The following MGARP variants were observed in gnomAD, a reference collection of about 807,000 sequenced individuals.
The protein encoded by MGARP is protein MGARP.
MGARP carries 12 observed loss-of-function variants against 11.0 expected under a neutral mutation model. That is an observed-to-expected ratio of 1.09 (90% CI 0.70 to 1.77). The LOEUF (loss-of-function observed/expected upper bound fraction) is 1.77. MGARP is among the 40% of genes most tolerant of loss of function. The probability of loss-of-function intolerance (pLI) is 0.00; values close to 1 mark genes in which losing one functional copy is unlikely to be tolerated. For missense variants in MGARP, 283 were observed against 297.8 expected, an observed-to-expected ratio of 0.95 and a Z score of 0.36; for synonymous variants, 110 against 115.4, an observed-to-expected ratio of 0.95 and a Z score of 0.30.
chr4:139,276,135 A>G (rs1744869923), intron 1 of MGARP, among the ~76,000 whole-genome samples: 1 of 152,246 alleles, frequency 6.6e-6, no homozygotes, highest in African/African-American at 2.4e-5. Flanking sequence ...AGGAGCTTAA[A>G]GTATATACAA....
At chr4:139,279,954 A>G in intron 1 of MGARP, 123 bp downstream of exon 1, 1 of 995,136 alleles carries the variant, frequency 1.0e-6, no homozygotes, top group Admixed American at 2.1e-5. Flanking sequence ...CTCGACCTCC[A>G]ATCCAGGCTT....
intron 2 of MGARP, among the ~76,000 whole-genome samples, chr4:139,272,735 T>C (rs1485258355): frequency 7.1e-6 from 1 of 140,994 alleles, no homozygotes; most frequent in Non-Finnish European, 1.5e-5. Context: ...TCACCCAGGC[T>C]GAGTGCAGTG....
At position 139,275,392 on chromosome 4, in the gene MGARP, G is replaced by A; in HGVS notation, c.83C>T (p.Ala28Val). 1.9e-6 allele frequency: 3 copies of A among 1,610,144 alleles called. No homozygotes were observed. The highest frequency in any genetic ancestry group is 1.7e-4 in the Middle Eastern group (1 of 6,038). Reference sequence around the variant, plus strand: ...GTTAGATGACATCCGGCGCAGAGATGCTAGGAAAAAAATGTTTAAACACAG... The same window carrying A: ...GTTAGATGACATCCGGCGCAGAGATACTAGGAAAAAAATGTTTAAACACAG... ...PPNPAPLGKD[A>V]SLRRMSSNRF... The change falls in exon 2 of 4, where the codon GCA becomes GTA. Residue 28 changes from alanine (A) to valine (V), a missense_variant and splice_region_variant. By Grantham distance (64) the Ala-to-Val change is moderately conservative (BLOSUM62 0). Transcript: ENST00000398955.
At chr4:139,273,907 G>C (rs1744826812) in intron 2 of MGARP, among the ~76,000 whole-genome samples, 1 of 152,172 alleles carries the variant, frequency 6.6e-6, no homozygotes, top group African/African-American at 2.4e-5. Flanking sequence ...ACTAAAAAAT[G>C]TCTGTCATTT....
chr4:139,274,444 T>TA (rs753244701), intron 2 of MGARP, among the ~76,000 whole-genome samples: 23 of 152,128 alleles, frequency 1.5e-4, no homozygotes, highest in South Asian at 8.3e-4. Context: ...AAAACTGCTC[T>TA]AAAAAAAGAT....
At position 139,280,159 on chromosome 4, in the gene MGARP, C is replaced by T; in HGVS notation, c.-1G>A. 1 of 1,607,234 alleles carries T rather than the reference C, an allele frequency of 6.2e-7. No individual in the cohort carries two copies. Among genetic ancestry groups the T allele is most frequent in the Admixed American group, 1.7e-5 (1 of 59,700 alleles). On this transcript the variant is annotated 5_prime_UTR_variant, in exon 1 of 4. Coordinates refer to ENST00000398955, the MANE Select transcript of MGARP (RefSeq NM_032623.4). ...TGGAGACCGCCCTGCGGAGATACAT[C>T]GCGCCCGCTGTCCGCCGCGCAGCAG...
At chr4:139,270,298 CAAAAAAA>C (rs963066917) in intron 2 of MGARP, among the ~76,000 whole-genome samples, 1 of 66,446 alleles carries the variant, frequency 1.5e-5, no homozygotes, top group Admixed American at 1.8e-4. Flanking sequence ...AACTCCGTCT[CAAAAAAA>C]AAAAAAAAAG....
At chr4:139,279,980 G>C (rs1744932260) in intron 1 of MGARP, 97 bp downstream of exon 1, 1 of 1,262,988 alleles carries the variant, frequency 7.9e-7, no homozygotes, top group Non-Finnish European at 1.1e-6. Flanking sequence ...GCTCTGGGTC[G>C]GGTTTGGCCA....
chr4:139,279,990 A>C, intron 1 of MGARP, 87 bp downstream of exon 1: 1 of 1,446,032 alleles, frequency 6.9e-7, no homozygotes, highest in Non-Finnish European at 9.5e-7. Flanking sequence ...GGGTTTGGCC[A>C]ACTGGGTGCC....
Position 139,266,804 on chromosome 4 carries a change from G to A in MGARP, c.518C>T (p.Pro173Leu). Residue 173 changes from proline to leucine, a missense_variant, in exon 4 of 4, where the codon CCT (proline) becomes CTT (leucine). Physicochemically the swap from Pro to Leu is moderately conservative, Grantham distance 98. Coordinates refer to ENST00000398955, the MANE Select transcript of MGARP (RefSeq NM_032623.4). ...ATTTGTAACCTCTGGGGTTGTTTCA[G>A]GGTTTACTTCCGTGGTTTCCCTCGC... Reference protein sequence around the residue: ...AAARETTEVNPETTPEVTNAA... With the variant: ...AAARETTEVNLETTPEVTNAA... The A allele has an allele frequency of 6.2e-7, 1 of 1,614,158 alleles. No individual in the cohort carries two copies. The highest frequency in any genetic ancestry group is 8.5e-7 in the Non-Finnish European group (1 of 1,180,034).
At chr4:139,274,608 C>G (rs1744839823) in intron 2 of MGARP, among the ~76,000 whole-genome samples, 1 of 152,048 alleles carries the variant, frequency 6.6e-6, no homozygotes, top group Non-Finnish European at 1.5e-5. Flanking sequence ...TTCAGCCTCC[C>G]AAGTAGCTGG....
chr4:139,266,519 A>G lies in MGARP; in HGVS notation c.*80T>C, dbSNP rs1279569776. 3.2e-6 allele frequency: 4 copies of G among 1,239,668 alleles called. No homozygotes were observed. Among genetic ancestry groups the G allele is most frequent in the Middle Eastern group, 2.0e-4 (1 of 5,114 alleles). The allele number at this position is 1,239,668 out of a possible 1,614,324, so 76.8% of individuals were successfully genotyped here. ...CTAGAAAATAAGTCTTTTTTTTTTTAAACTAAGTGTACTAAAAACACAAAA... is the reference window on the plus strand; with the variant it reads ...CTAGAAAATAAGTCTTTTTTTTTTTGAACTAAGTGTACTAAAAACACAAAA... On this transcript the variant is annotated 3_prime_UTR_variant, in exon 4 of 4. Transcript: ENST00000398955.
intron 2 of MGARP, among the ~76,000 whole-genome samples, chr4:139,273,352 T>C (rs1024301390): frequency 1.3e-5 from 2 of 151,984 alleles, no homozygotes; most frequent in African/African-American, 4.8e-5. Flanking sequence ...CCCAAGTACC[T>C]AGGACCACAG....
intron 1 of MGARP, among the ~76,000 whole-genome samples, chr4:139,277,816 T>C (rs1744894831): frequency 6.6e-6 from 1 of 152,216 alleles, no homozygotes; most frequent in Admixed American, 6.5e-5. Context: ...CTAAATATAC[T>C]AAAACGTAAT....
intron 2 of MGARP, among the ~76,000 whole-genome samples, chr4:139,273,699 A>T (rs1295712639): frequency 6.6e-6 from 1 of 151,732 alleles, no homozygotes; most frequent in Admixed American, 6.6e-5. Context: ...ATTTTAGCAC[A>T]GATGAGGCTT....
At chr4:139,277,632 T>G (rs940769180) in intron 1 of MGARP, among the ~76,000 whole-genome samples, 10 of 152,216 alleles carry the variant, frequency 6.6e-5, no homozygotes, top group Non-Finnish European at 1.2e-4. Context: ...TTTAGCACAT[T>G]CATACAATGT....
At chr4:139,275,142 C>T (rs1744846208) in intron 2 of MGARP, 147 bp downstream of exon 2, 2 of 548,152 alleles carry the variant, frequency 3.6e-6, no homozygotes, top group South Asian at 6.6e-5. Flanking sequence ...ACCTATTTTT[C>T]AGATGTGTAT....
At chr4:139,279,598 C>CT (rs1744924350) in intron 1 of MGARP, among the ~76,000 whole-genome samples, 1 of 152,166 alleles carries the variant, frequency 6.6e-6, no homozygotes, top group Non-Finnish European at 1.5e-5. Flanking sequence ...GCCTCACTGC[C>CT]TCCCAGCGCT....
chr4:139,270,586 G>A (rs1413470171), intron 2 of MGARP, among the ~76,000 whole-genome samples: 1 of 141,656 alleles, frequency 7.1e-6, no homozygotes, highest in African/African-American at 2.7e-5. Context: ...TCCAGCCTGG[G>A]CGACAGAGCG....
Sources: gnomAD v4.1 joint callset for allele counts (sites outside exome capture counted in the v4.1 genomes callset) on GRCh38, gnomAD v4.1.1 for gene constraint, MANE v1.5 for transcripts, NCBI Gene and HGNC (gene_info 2026-07-23, HGNC 2026-07-21) for gene names.